SLC14A2: variants seen among roughly 807,000 people sequenced by gnomAD.
The protein encoded by SLC14A2 is solute carrier family 14 member 2, also known as urea transporter 2.
A neutral mutation model predicts 104.6 loss-of-function variants in SLC14A2; 91 were observed. The ratio of observed to expected loss-of-function variants is 0.87; its 90% CI spans 0.73 to 1.04. The LOEUF (loss-of-function observed/expected upper bound fraction) is 1.04. SLC14A2 is among the 50% of genes least tolerant of loss of function. The pLI, the probability that SLC14A2 is intolerant of heterozygous loss-of-function variation, is 0.00. For missense variants in SLC14A2, 1,189 were observed against 1,156.0 expected (o/e 1.03, Z -0.41); for synonymous variants, 476 against 466.4 (o/e 1.02, Z -0.27).
intron 16 of SLC14A2, among the ~76,000 whole-genome samples, chr18:45,671,341 T>C (rs1340871982): frequency 6.6e-6 from 1 of 152,210 alleles, no homozygotes; most frequent in East Asian, 1.9e-4. Context: ...CTTTAAGAAG[T>C]AACTTTCTGG....
intron 16 of SLC14A2, 37 bp from the exon 17 acceptor site, chr18:45,672,863 C>T: frequency 6.3e-7 from 1 of 1,584,344 alleles, no homozygotes; most frequent in Non-Finnish European, 8.6e-7. Context: ...GTCTCTTTTG[C>T]CTCCATAATG....
chr18:45,213,756 A>G (rs1272696943), intron 1 of SLC14A2, among the ~76,000 whole-genome samples: 2 of 152,208 alleles, frequency 1.3e-5, no homozygotes, highest in Non-Finnish European at 2.9e-5. Context: ...CAATGAAGTG[A>G]CCAGTCAAAT....
intron 1 of SLC14A2, among the ~76,000 whole-genome samples, chr18:45,317,268 G>A (rs2085138933): frequency 6.6e-6 from 1 of 152,136 alleles, no homozygotes. Context: ...TGAAGACATG[G>A]GGTGCACACA....
At chr18:45,414,757 A>AATATATATATATATATATAT (rs71177674) in intron 1 of SLC14A2, among the ~76,000 whole-genome samples, 31 of 76,018 alleles carry the variant, frequency 4.1e-4, no homozygotes, top group East Asian at 7.6e-4. Flanking sequence ...AAAAAAAAAA[A>AATATATATATATATATATAT]ATATATATAT....
At chr18:45,452,591 T>C (rs2705384) in intron 1 of SLC14A2, among the ~76,000 whole-genome samples, 129,496 of 152,232 alleles carry the variant, frequency 0.85, 55,101 homozygotes, top group South Asian at 0.93. Context: ...ATTAATTTTA[T>C]GTGTTTATTA....
intron 2 of SLC14A2, among the ~76,000 whole-genome samples, chr18:45,538,745 G>A (rs185495925): frequency 1.1e-3 from 160 of 151,814 alleles, no homozygotes; most frequent in Middle Eastern, 3.4e-3. Flanking sequence ...GCAGGAAACT[G>A]AATACCAGCA....
intron 2 of SLC14A2, among the ~76,000 whole-genome samples, chr18:45,488,277 A>T (rs890767663): frequency 6.6e-6 from 1 of 152,170 alleles, no homozygotes; most frequent in African/African-American, 2.4e-5. Flanking sequence ...GAAAAAAACA[A>T]GCAGATTGTA....
chr18:45,585,825 C>G (rs1053125129), intron 2 of SLC14A2, among the ~76,000 whole-genome samples: 16 of 152,228 alleles, frequency 1.1e-4, no homozygotes, highest in Non-Finnish European at 1.5e-5. Flanking sequence ...ATGGCCTGTT[C>G]TGAGCAATGG....
At chr18:45,410,439 A>G (rs2086202785) in intron 1 of SLC14A2, among the ~76,000 whole-genome samples, 1 of 152,214 alleles carries the variant, frequency 6.6e-6, no homozygotes, top group African/African-American at 2.4e-5. Context: ...ATTTACTACT[A>G]AATATGCGTT....
intron 2 of SLC14A2, among the ~76,000 whole-genome samples, chr18:45,604,561 T>C (rs1422391337): frequency 2.0e-5 from 3 of 152,196 alleles, no homozygotes; most frequent in African/African-American, 7.2e-5. Flanking sequence ...TATCAGAGGA[T>C]ACATATGGGG....
At chr18:45,298,885 A>G (rs914051932) in intron 1 of SLC14A2, among the ~76,000 whole-genome samples, 1 of 152,152 alleles carries the variant, frequency 6.6e-6, no homozygotes, top group African/African-American at 2.4e-5. Context: ...ATTCTCAAGG[A>G]AGAAACAATT....
At chr18:45,640,165 A>G (rs1027571220) in intron 7 of SLC14A2, among the ~76,000 whole-genome samples, 1 of 152,074 alleles carries the variant, frequency 6.6e-6, no homozygotes, top group Non-Finnish European at 1.5e-5. Context: ...AATCCCAGCT[A>G]CTTGGGGAGC....
intron 3 of SLC14A2, among the ~76,000 whole-genome samples, 199 bp downstream of exon 3, chr18:45,626,062 A>G (rs988903921): frequency 6.6e-6 from 1 of 152,196 alleles, no homozygotes; most frequent in Non-Finnish European, 1.5e-5. Flanking sequence ...GGGATATGAT[A>G]TACCCTACTG....
At chr18:45,483,015 A>G (rs984820303) in intron 1 of SLC14A2, among the ~76,000 whole-genome samples, 1 of 152,256 alleles carries the variant, frequency 6.6e-6, no homozygotes, top group Non-Finnish European at 1.5e-5. Context: ...ATAAATATTC[A>G]TGAAACACTC....
chr18:45,605,565 T>C (rs374661557), intron 2 of SLC14A2, among the ~76,000 whole-genome samples: 7 of 152,282 alleles, frequency 4.6e-5, no homozygotes, highest in African/African-American at 1.4e-4. Flanking sequence ...GATGCACAGA[T>C]AACAGGAGAA....
chr18:45,365,418 T>A (rs1394533019), intron 1 of SLC14A2, among the ~76,000 whole-genome samples: 1 of 152,248 alleles, frequency 6.6e-6, no homozygotes. Flanking sequence ...ATTCACTCAA[T>A]AATTTATTGA....
At chr18:45,615,397 C>A (rs2045046083), upstream of SLC14A2, 1 of 152,082 alleles carries the variant, frequency 6.6e-6, no homozygotes, top group Non-Finnish European at 1.5e-5. Context: ...GAGCGGTTTC[C>A]CCCATGCTGT....
intron 1 of SLC14A2, among the ~76,000 whole-genome samples, chr18:45,289,060 G>A (rs772506622): frequency 3.3e-5 from 5 of 152,146 alleles, no homozygotes; most frequent in African/African-American, 7.2e-5. Context: ...GGCCTGGGAC[G>A]CTTGCTGTTC....
At chr18:45,595,916 C>G (rs1197882343) in intron 2 of SLC14A2, among the ~76,000 whole-genome samples, 2 of 152,198 alleles carry the variant, frequency 1.3e-5, no homozygotes, top group Non-Finnish European at 2.9e-5. Flanking sequence ...GAGGGTCCCC[C>G]TCTCAAATCA....
Sources: allele counts gnomAD v4.1 joint callset (sites outside exome capture counted in the v4.1 genomes callset), GRCh38; gene constraint gnomAD v4.1.1; transcripts MANE v1.5; gene names NCBI Gene and HGNC (gene_info 2026-07-23, HGNC 2026-07-21).